The following GPHN variants were observed in gnomAD, a reference collection of about 807,000 sequenced individuals.
The protein encoded by GPHN is gephyrin.
GPHN carries 17 observed loss-of-function variants against 95.5 expected under a neutral mutation model. The observed-to-expected ratio is 0.18, with a 90% CI of 0.12 to 0.27. GPHN has a LOEUF of 0.27. GPHN is among the 10% of genes least tolerant of loss of function. GPHN has a pLI of 1.00. For missense variants in GPHN, 660 were observed against 978.1 expected, an observed-to-expected ratio of 0.67 and a Z score of 4.34; for synonymous variants, 320 against 322.5, an observed-to-expected ratio of 0.99 and a Z score of 0.08.
chr14:66,985,872 T>C (rs1428966531), intron 9 of GPHN: 5 of 568,018 alleles, frequency 8.8e-6, no homozygotes, highest in Non-Finnish European at 1.5e-5. Context: ...ATATTTTTAT[T>C]GGCTGTTGGG....
intron 1 of GPHN, among the ~76,000 whole-genome samples, chr14:66,624,123 A>T (rs1566721204): frequency 1.3e-5 from 2 of 152,166 alleles, no homozygotes; most frequent in South Asian, 2.1e-4. Flanking sequence ...TGGCCATTGT[A>T]AGCTGTCACA....
intron 1 of GPHN, among the ~76,000 whole-genome samples, chr14:66,584,932 T>G (rs984325399): frequency 6.6e-6 from 1 of 152,210 alleles, no homozygotes; most frequent in Admixed American, 6.5e-5. Context: ...TCCCTCTTTT[T>G]CTATTGATTG....
intron 2 of GPHN, among the ~76,000 whole-genome samples, chr14:66,751,855 T>C (rs2058376684): frequency 6.6e-6 from 1 of 152,116 alleles, no homozygotes; most frequent in Non-Finnish European, 1.5e-5. Context: ...TGACTTTTCC[T>C]CTCTCTATGT....
chr14:66,769,844 C>T (rs1369802744), intron 2 of GPHN, among the ~76,000 whole-genome samples: 1 of 151,882 alleles, frequency 6.6e-6, no homozygotes, highest in Non-Finnish European at 1.5e-5. Flanking sequence ...GGGTATATAC[C>T]CAGTAGTGGG....
At chr14:67,072,791 TAA>T (rs5809329) in intron 11 of GPHN, among the ~76,000 whole-genome samples, 70 of 144,146 alleles carry the variant, frequency 4.9e-4, no homozygotes, top group African/African-American at 1.2e-3. Context: ...GTTAACTTCC[TAA>T]AAAAAAAAAA....
rs1192132550 is a variant in GPHN, at chr14:66,799,183, G to C, written c.201+22662G>C. On this transcript the variant is annotated intron_variant, in intron 3 of 22. Transcript: ENST00000478722. ...TTCATTGTGGTCAGAGAAGATGCTT[G>C]ATATTATTTTAGTTTTTAAAAAATG... Among the ~76,000 whole-genome samples the C allele has an allele frequency of 3.3e-5, 5 of 151,942 alleles. No individual in the cohort carries two copies. In the South Asian group the frequency reaches 8.3e-4, roughly 25 times the overall value.
downstream of GPHN, among the ~76,000 whole-genome samples, chr14:67,185,899 T>G (rs1233478223): frequency 6.6e-6 from 1 of 152,208 alleles, no homozygotes; most frequent in Non-Finnish European, 1.5e-5. Context: ...GAATTCAAAG[T>G]AAATAAACTG....
intron 3 of GPHN, among the ~76,000 whole-genome samples, chr14:66,811,710 T>A (rs965978742): frequency 5.9e-5 from 9 of 152,208 alleles, no homozygotes; most frequent in Non-Finnish European, 8.8e-5. Context: ...TTGCATATTC[T>A]AGAGCAGTGA....
At chr14:66,726,734 CATCTGAAAATCTGAA>C (rs2071277655) in intron 2 of GPHN, among the ~76,000 whole-genome samples, 1 of 152,196 alleles carries the variant, frequency 6.6e-6, no homozygotes, top group Non-Finnish European at 1.5e-5. Flanking sequence ...GACCCTCCCT[CATCTGAAAATCTGAA>C]ATCTGAAATT....
At chr14:66,544,909 G>C (rs1367634237) in intron 1 of GPHN, among the ~76,000 whole-genome samples, 1 of 152,014 alleles carries the variant, frequency 6.6e-6, no homozygotes, top group Non-Finnish European at 1.5e-5. Flanking sequence ...TTGGGGGTAA[G>C]GTCACAGATC....
At chr14:67,244,206 CTT>C in the GPHN span, among the ~76,000 whole-genome samples, 1 of 152,100 alleles carries the variant, frequency 6.6e-6, no homozygotes, top group Non-Finnish European at 1.5e-5. Context: ...TAATGAATAT[CTT>C]TGTGTATGTC....
chr14:66,518,038 C>T (rs535290163), intron 1 of GPHN, among the ~76,000 whole-genome samples: 6 of 151,418 alleles, frequency 4.0e-5, no homozygotes, highest in Non-Finnish European at 5.9e-5. Flanking sequence ...GCAAACTGTT[C>T]ATCTGACGGG....
intron 2 of GPHN, among the ~76,000 whole-genome samples, chr14:66,711,351 C>T (rs2069601791): frequency 6.6e-6 from 1 of 152,112 alleles, no homozygotes; most frequent in Non-Finnish European, 1.5e-5. Flanking sequence ...TCATCCAGGT[C>T]GCTATGAATG....
At position 66,681,307 on chromosome 14, in the gene GPHN, G is replaced by C; in HGVS notation, c.143+122G>C. On this transcript the variant is annotated intron_variant, in intron 2 of 22. Transcript: ENST00000478722. ...CAACAATTTTTTCTTTTCTAATAAT[G>C]CGTTTTACACATATTGAAGTCTGAC... The C allele has an allele frequency of 7.3e-6, 5 of 685,294 alleles. No homozygotes were observed. The South Asian group carries it at 8.1e-5, about 11-fold the overall frequency. The allele number at this position is 685,294 out of a possible 1,614,324, so 42.5% of individuals were successfully genotyped here.
At chr14:66,590,625 A>G (rs1342248899) in intron 1 of GPHN, among the ~76,000 whole-genome samples, 1 of 152,196 alleles carries the variant, frequency 6.6e-6, no homozygotes, top group Admixed American at 6.5e-5. Context: ...ATCCCTGAAT[A>G]GACCAATAAC....
At chr14:67,137,680 G>A (rs1019929756) in intron 17 of GPHN, among the ~76,000 whole-genome samples, 46 of 152,024 alleles carry the variant, frequency 3.0e-4, no homozygotes, top group African/African-American at 1.1e-3. Context: ...TGGGAGGATC[G>A]CTTTAGCCTG....
chr14:67,679,053 C>T, the GPHN span, among the ~76,000 whole-genome samples: 1 of 152,066 alleles, frequency 6.6e-6, no homozygotes, highest in Non-Finnish European at 1.5e-5. Flanking sequence ...CAGAAACTGG[C>T]TTATGATTAT....
At chr14:67,023,765 T>C (rs1001453828) in intron 10 of GPHN, 90 bp downstream of exon 10, 3 of 1,033,540 alleles carry the variant, frequency 2.9e-6, no homozygotes, top group Non-Finnish European at 4.5e-6. Context: ...AGAAAAGCAA[T>C]GGGGAATATT....
the GPHN span, among the ~76,000 whole-genome samples, chr14:67,626,472 T>C: frequency 7.2e-4 from 110 of 152,214 alleles, no homozygotes; most frequent in African/African-American, 2.5e-3. Context: ...CTCAAGCAAA[T>C]CCATTCCTAT....
Sources: allele counts gnomAD v4.1 joint callset (sites outside exome capture counted in the v4.1 genomes callset), GRCh38; gene constraint gnomAD v4.1.1; transcripts MANE v1.5; gene names NCBI Gene and HGNC (gene_info 2026-07-23, HGNC 2026-07-21).